Variants in URB2 observed in about 807,000 individuals in gnomAD.
The protein encoded by URB2 is URB2 ribosome biogenesis homolog, also known as unhealthy ribosome biogenesis protein 2 homolog.
A neutral mutation model predicts 120.9 loss-of-function variants in URB2; 86 were observed. The ratio of observed to expected loss-of-function variants is 0.71; its 90% CI spans 0.60 to 0.85. URB2 has a LOEUF of 0.85. Among genes scored for constraint, URB2 ranks in the 40% least tolerant of loss-of-function variants. The pLI is 0.00. For synonymous variants in URB2, 755 were observed against 758.4 expected, an observed-to-expected ratio of 1.00 and a Z score of 0.07; for missense variants, 1,765 against 1,836.5, an observed-to-expected ratio of 0.96 and a Z score of 0.71.
intron 1 of URB2, among the ~76,000 whole-genome samples, chr1:229,626,958 G>C (rs1665502910): frequency 6.6e-6 from 1 of 152,054 alleles, no homozygotes; most frequent in South Asian, 2.1e-4. Flanking sequence ...ATAACTTTTA[G>C]GAAACTCAAA....
intron 5 of URB2, among the ~76,000 whole-genome samples, chr1:229,644,086 C>T (rs1176074003): frequency 6.6e-6 from 1 of 152,242 alleles, no homozygotes; most frequent in Non-Finnish European, 1.5e-5. Flanking sequence ...TGAGAAGCAC[C>T]TAGGTTAGCC....
chr1:229,643,727 C>T (rs772956932), intron 5 of URB2, 34 bp downstream of exon 5: 24 of 1,598,026 alleles, frequency 1.5e-5, no homozygotes, highest in Non-Finnish European at 1.7e-5. Flanking sequence ...GTGGCAGGCT[C>T]AGAAACCACG....
At chr1:229,643,758 G>A in intron 5 of URB2, 65 bp downstream of exon 5, 1 of 1,560,660 alleles carries the variant, frequency 6.4e-7, no homozygotes, top group South Asian at 1.2e-5. Context: ...TGGGAAAACT[G>A]ATTTGAGATG....
rs953157686 is a variant in URB2 at position 229,632,977 on chromosome 1, G to A, written c.303+532G>A. Among the ~76,000 whole-genome samples, 4 of 152,250 alleles carry A rather than the reference G, an allele frequency of 2.6e-5. No individual in the cohort carries two copies. The South Asian group carries it at 8.3e-4, about 31-fold the overall frequency. On this transcript the variant is annotated intron_variant, in intron 3 of 9. Transcript: ENST00000258243. Reference sequence around the variant, plus strand: ...AAAACTGAGTGTGTTTAAATACCATGAGAATAGCTAGATACAATAAAAACT... The same window carrying A: ...AAAACTGAGTGTGTTTAAATACCATAAGAATAGCTAGATACAATAAAAACT...
chr1:229,635,663 A>G lies in URB2; in HGVS notation c.1050A>G (p.Thr350=), dbSNP rs1451955788. 2.5e-6 allele frequency: 4 copies of G among 1,614,178 alleles called. No individual in the cohort carries two copies. In the Admixed American group the frequency reaches 5.0e-5, roughly 20 times the overall value. Residue 350 remains threonine, a synonymous_variant, in exon 4 of 10, where the codon ACA becomes ACG. Coordinates refer to ENST00000258243, the MANE Select transcript of URB2 (RefSeq NM_014777.4). ...LQEEQSKALS[T]SDWTTELLVV... ...AGGAGCAGAGCAAAGCCCTGTCCAC[A>G]TCAGATTGGACCACAGAGCTTTTGG...
Position 229,647,493 on chromosome 1 carries a change from T to C in URB2, c.3907-17T>C, listed in dbSNP as rs2274995. 0.53 allele frequency: 844,447 copies of C among 1,605,292 alleles called. 225,132 individuals carry two copies. Among genetic ancestry groups the C allele is most frequent in the East Asian group, 0.8 (35,579 of 44,650 alleles). On this transcript the variant is annotated splice_polypyrimidine_tract_variant and intron_variant, in intron 6 of 9. Coordinates refer to ENST00000258243, the MANE Select transcript of URB2 (RefSeq NM_014777.4). ...GGAATTACTTTCATTTTTCCTTTAT[T>C]TTATTTTGCCCTTTAGCTCTTAAAC... is the stretch of plus-strand genomic sequence containing the variant.
intron 4 of URB2, among the ~76,000 whole-genome samples, chr1:229,641,326 C>CT (rs1666007920): frequency 6.6e-6 from 1 of 152,128 alleles, no homozygotes; most frequent in African/African-American, 2.4e-5. Context: ...TTGAGGCAGT[C>CT]TTTAAGTCCT....
At chr1:229,633,532 A>G (rs1466434493) in intron 3 of URB2, among the ~76,000 whole-genome samples, 1 of 152,212 alleles carries the variant, frequency 6.6e-6, no homozygotes, top group African/African-American at 2.4e-5. Flanking sequence ...TCACTGTAAT[A>G]GTGCATTGAC....
intron 2 of URB2, among the ~76,000 whole-genome samples, chr1:229,631,048 T>C (rs1665656429): frequency 6.6e-6 from 1 of 151,552 alleles, no homozygotes; most frequent in African/African-American, 2.4e-5. Flanking sequence ...CTGTTTCTTC[T>C]ACTCTGAAAA....
Position 229,651,261 on chromosome 1 carries a change from C to G in URB2, c.4176C>G (p.Phe1392Leu). 1 of 1,611,454 alleles carries G rather than the reference C, an allele frequency of 6.2e-7. No homozygotes were observed. Among genetic ancestry groups the G allele is most frequent in the Non-Finnish European group, 8.5e-7 (1 of 1,179,004 alleles). Reference protein sequence around the residue: ...PKVMLKAIPSFLNSFNRLVFS... With the variant: ...PKVMLKAIPSLLNSFNRLVFS... ...TAATGCTGAAAGCCATCCCTTCTTT[C>G]TTGAACTCTTTCAATAGATTGGTGT... is the stretch of plus-strand genomic sequence containing the variant. The change falls in exon 8 of 10, where the codon TTC becomes TTG. Residue 1392 changes from phenylalanine to leucine, a missense_variant. Coordinates refer to ENST00000258243, the MANE Select transcript of URB2 (RefSeq NM_014777.4).
intron 8 of URB2, among the ~76,000 whole-genome samples, chr1:229,653,755 C>T (rs1666335784): frequency 6.6e-6 from 1 of 152,080 alleles, no homozygotes; most frequent in African/African-American, 2.4e-5. Context: ...ATAATTGAGT[C>T]CTATGTCTGT....
chr1:229,636,323 C>T lies in URB2; in HGVS notation c.1710C>T (p.Cys570=), dbSNP rs759751508. 1 of 1,614,106 alleles carries T rather than the reference C, an allele frequency of 6.2e-7. No homozygotes were observed. Among genetic ancestry groups the T allele is most frequent in the African/African-American group, 1.3e-5 (1 of 74,948 alleles). The part of the protein sequence containing the change: ...TPLPIVRRTQ[C]MMERMMRELV... ...TGCCCATTGTCAGACGGACACAGTG[C>T]ATGATGGAGAGGATGATGAGGGAGC... The change falls in exon 4 of 10, where the codon TGC becomes TGT. Residue 570 remains cysteine, a synonymous_variant. Coordinates refer to ENST00000258243, the MANE Select transcript of URB2 (RefSeq NM_014777.4).
intron 7 of URB2, among the ~76,000 whole-genome samples, chr1:229,650,452 A>T (rs775639201): frequency 6.6e-6 from 1 of 151,250 alleles, no homozygotes. Context: ...TTTTTTTGAG[A>T]TGGAGTCTCG....
chr1:229,635,603 G>A lies in URB2; in HGVS notation c.990G>A (p.Arg330=). 3 of 1,614,078 alleles carry A rather than the reference G, an allele frequency of 1.9e-6. No individual in the cohort carries two copies. Among genetic ancestry groups the A allele is most frequent in the Non-Finnish European group, 1.7e-6 (2 of 1,180,032 alleles). Residue 330 remains arginine (R), a synonymous_variant, in exon 4 of 10, where the codon AGG becomes AGA. Transcript: ENST00000258243. ...NQLLCFQVLP[R]LFGCLKISHL... Reference sequence around the variant, plus strand: ...TTCTCTGCTTCCAGGTTCTCCCCAGGTTGTTTGGCTGCTTGAAGATTTCAC... The same window carrying A: ...TTCTCTGCTTCCAGGTTCTCCCCAGATTGTTTGGCTGCTTGAAGATTTCAC...
Position 229,627,668 on chromosome 1 carries a change from T to A in URB2, c.35T>A (p.Leu12His). The A allele has an allele frequency of 6.2e-7, 1 of 1,613,738 alleles. No homozygotes were observed. The highest frequency in any genetic ancestry group is 8.5e-7 in the Non-Finnish European group (1 of 1,179,792). Residue 12 changes from leucine to histidine, a missense_variant, in exon 2 of 10, where the codon CTT becomes CAT. Leu to His is a moderately conservative substitution (Grantham distance 99). Coordinates refer to ENST00000258243, the MANE Select transcript of URB2 (RefSeq NM_014777.4). ...GTTTATTCTGGCATTTCCCTTAAGC[T>A]TAAAAGCAAGACAACTTCCTGGGAA... ...AAVYSGISLK[L>H]KSKTTSWEDK...
Position 229,637,919 on chromosome 1 carries a change from C to T in URB2, c.3306C>T (p.Cys1102=). 6.2e-7 allele frequency: 1 copy of T among 1,611,746 alleles called. No individual in the cohort carries two copies. The highest frequency in any genetic ancestry group is 2.2e-5 in the East Asian group (1 of 44,874). The change falls in exon 4 of 10, where the codon TGC becomes TGT. Residue 1102 remains cysteine, a synonymous_variant. Transcript: ENST00000258243. ...AGACAGGAGCTGTGCTGCAGCTCTGCTCAGTGCCGGGGGCCCGGGGCTGGC... is the reference window on the plus strand; with the variant it reads ...AGACAGGAGCTGTGCTGCAGCTCTGTTCAGTGCCGGGGGCCCGGGGCTGGC... The part of the protein sequence containing the change: ...VLQTGAVLQL[C]SVPGARGWRL...
At chr1:229,640,468 A>G (rs1017165972) in intron 4 of URB2, among the ~76,000 whole-genome samples, 2 of 152,138 alleles carry the variant, frequency 1.3e-5, no homozygotes, top group African/African-American at 4.8e-5. Flanking sequence ...TGGTAACGAA[A>G]GGGCTGGGGT....
At position 229,636,936 on chromosome 1, in the gene URB2, G is replaced by A; in HGVS notation, c.2323G>A (p.Ala775Thr). The A allele has an allele frequency of 6.2e-7, 1 of 1,613,790 alleles. No homozygotes were observed. Among genetic ancestry groups the A allele is most frequent in the South Asian group, 1.1e-5 (1 of 91,022 alleles). Residue 775 changes from alanine (A) to threonine (T), a missense_variant, in exon 4 of 10, where the codon GCC becomes ACC. Ala to Thr is a moderately conservative substitution (Grantham distance 58). Coordinates refer to ENST00000258243, the MANE Select transcript of URB2 (RefSeq NM_014777.4). ...GCTGAGAACTTTACCCATGGGCAAA[G>A]CCCAGGAAGTCTCAATAGATGAAGA... ...VLLRTLPMGK[A>T]QEVSIDEEAY...
intron 1 of URB2, among the ~76,000 whole-genome samples, chr1:229,626,573 C>T (rs1422709813): frequency 6.6e-6 from 1 of 152,266 alleles, no homozygotes; most frequent in African/African-American, 2.4e-5. Flanking sequence ...TGGCTCCTAG[C>T]TGCTCTCCCC....
Sources: gnomAD v4.1 joint callset for allele counts (sites outside exome capture counted in the v4.1 genomes callset) on GRCh38, gnomAD v4.1.1 for gene constraint, MANE v1.5 for transcripts, NCBI Gene and HGNC (gene_info 2026-07-23, HGNC 2026-07-21) for gene names.